The following STUM variants were observed in gnomAD, a reference collection of about 807,000 sequenced individuals.
STUM encodes the protein protein stum homolog.
In STUM, 8 loss-of-function variants were observed where a neutral mutation model predicts 15.3. The observed-to-expected ratio is 0.52, with a 90% CI of 0.31 to 0.94. The LOEUF (loss-of-function observed/expected upper bound fraction) is 0.94. Among genes scored for constraint, STUM ranks in the 40% least tolerant of loss-of-function variants. The pLI is 0.05. For missense variants in STUM, 142 were observed against 204.9 expected (o/e 0.69, Z 1.87); for synonymous variants, 78 against 88.7 (o/e 0.88, Z 0.68).
At chr1:226,583,834 A>G (rs1270290161) in intron 1 of STUM, among the ~76,000 whole-genome samples, 1 of 152,128 alleles carries the variant, frequency 6.6e-6, no homozygotes, top group Non-Finnish European at 1.5e-5. Flanking sequence ...TCTGCCCAAG[A>G]GCCAAGCAGT....
chr1:226,594,905 C>T (rs565350840), intron 1 of STUM, among the ~76,000 whole-genome samples: 2 of 152,348 alleles, frequency 1.3e-5, no homozygotes, highest in South Asian at 4.1e-4. Context: ...ATCTGCCCGC[C>T]TCGGCCTCCC....
At chr1:226,570,061 G>A (rs780375935) in intron 1 of STUM, among the ~76,000 whole-genome samples, 7 of 152,004 alleles carry the variant, frequency 4.6e-5, no homozygotes, top group Non-Finnish European at 8.8e-5. Flanking sequence ...CCTGAGCCCC[G>A]CCCCTCCCTG....
In STUM at chr1:226,601,477, C is replaced by T. The variant is rs59625874; in HGVS notation, c.392-529C>T. On this transcript the variant is annotated intron_variant, in intron 3 of 3. Transcript: ENST00000366788. ...TTACTATCCACAGAGCTCACTTTTTCCCAAAGGACTCATGATCAACAATGT... is the reference window on the plus strand; with the variant it reads ...TTACTATCCACAGAGCTCACTTTTTTCCAAAGGACTCATGATCAACAATGT... 5.3e-3 allele frequency among the ~76,000 whole-genome samples: 810 copies of T among 152,296 alleles called. 7 individuals carry two copies. The highest frequency in any genetic ancestry group is 0.018 in the African/African-American group (751 of 41,558).
At position 226,574,855 on chromosome 1, in the gene STUM, G is replaced by A. The variant is rs532427690; in HGVS notation, c.203-21947G>A. On this transcript the variant is annotated intron_variant, in intron 1 of 3. Transcript: ENST00000366788. ...TCCTGAAGCCCAGAGGGCGTGTCTC[G>A]GGGTCAGCGGGGCCCCAGGGCTTTG... Among the ~76,000 whole-genome samples the A allele has an allele frequency of 8.5e-5, 13 of 152,282 alleles. 1 individual carries two copies. Among genetic ancestry groups the A allele is most frequent in the African/African-American group, 2.9e-4 (12 of 41,560 alleles).
At chr1:226,570,707 A>T (rs1390547232) in intron 1 of STUM, among the ~76,000 whole-genome samples, 6 of 152,208 alleles carry the variant, frequency 3.9e-5, no homozygotes, top group Non-Finnish European at 8.8e-5. Context: ...ATGATCATTT[A>T]TCCTTCATAT....
intron 1 of STUM, among the ~76,000 whole-genome samples, chr1:226,578,672 T>A (rs1667863677): frequency 6.6e-6 from 1 of 152,142 alleles, no homozygotes; most frequent in Non-Finnish European, 1.5e-5. Context: ...CCCAGTCCCT[T>A]TTTTAAAAGG....
chr1:226,556,521 A>G (rs1363487521), intron 1 of STUM, among the ~76,000 whole-genome samples: 1 of 152,192 alleles, frequency 6.6e-6, no homozygotes, highest in East Asian at 1.9e-4. Context: ...GCAACAGGCT[A>G]AACAGAATGA....
rs758468677 is a variant in STUM at position 226,567,717 on chromosome 1, G to A, written c.202+18611G>A. On this transcript the variant is annotated intron_variant, in intron 1 of 3. Transcript: ENST00000366788. This position sits in a 1 kb window ranked among gnomAD's most constrained non-coding sequence, Gnocchi z 4.5. ...AATAAAAGCATTTAAAAGTGGAAGCGTGCCAGCGTGAGATGGATGATTCTG... is the reference window on the plus strand; with the variant it reads ...AATAAAAGCATTTAAAAGTGGAAGCATGCCAGCGTGAGATGGATGATTCTG... 1.3e-5 allele frequency among the ~76,000 whole-genome samples: 2 copies of A among 152,144 alleles called. No individual in the cohort carries two copies. The highest frequency in any genetic ancestry group is 4.8e-5 in the African/African-American group (2 of 41,428).
intron 1 of STUM, among the ~76,000 whole-genome samples, chr1:226,551,799 G>T (rs1359023690): frequency 6.6e-6 from 1 of 152,212 alleles, no homozygotes; most frequent in Non-Finnish European, 1.5e-5. Context: ...TAGGATGGCA[G>T]CAGGAACAGA....
At chr1:226,578,041 G>A (rs1005921389) in intron 1 of STUM, among the ~76,000 whole-genome samples, 1 of 152,128 alleles carries the variant, frequency 6.6e-6, no homozygotes. Context: ...ATGAGAGGCG[G>A]CCCCAGACTG....
chr1:226,596,760 T>C (rs1314348544), intron 1 of STUM, 42 bp from the exon 2 acceptor site: 2 of 1,576,200 alleles, frequency 1.3e-6, no homozygotes, highest in South Asian at 2.2e-5. Flanking sequence ...CCCCTTTGTC[T>C]CCCAGTGCCC....
chr1:226,593,185 C>CA (rs72490675), intron 1 of STUM, among the ~76,000 whole-genome samples: 64,473 of 125,212 alleles, frequency 0.51, 18,021 homozygotes, highest in African/African-American at 0.76. Context: ...GACTCCGTCT[C>CA]AAAAAAAAAA....
intron 1 of STUM, among the ~76,000 whole-genome samples, chr1:226,564,295 C>G (rs563822228): frequency 6.6e-6 from 1 of 152,180 alleles, no homozygotes; most frequent in East Asian, 1.9e-4. Context: ...TTCAAGATGT[C>G]GGTCCTCAGG....
At chr1:226,599,658 A>T (rs1668235512) in intron 2 of STUM, among the ~76,000 whole-genome samples, 1 of 152,250 alleles carries the variant, frequency 6.6e-6, no homozygotes, top group Non-Finnish European at 1.5e-5. Context: ...AATCTAGATG[A>T]AAGTGGGAGT....
chr1:226,599,578 G>A (rs1000175762), intron 2 of STUM, among the ~76,000 whole-genome samples: 7 of 152,316 alleles, frequency 4.6e-5, no homozygotes, highest in African/African-American at 7.2e-5. Context: ...TTGGCTTTTC[G>A]CATGGCATTG....
chr1:226,575,618 AG>A (rs1032612722), intron 1 of STUM, among the ~76,000 whole-genome samples: 46 of 152,378 alleles, frequency 3.0e-4, no homozygotes, highest in African/African-American at 1.1e-3. Flanking sequence ...GGCCCAGGCC[AG>A]GGCAAACATG....
chr1:226,580,645 C>G (rs1279118241), intron 1 of STUM, among the ~76,000 whole-genome samples: 2 of 152,130 alleles, frequency 1.3e-5, no homozygotes, highest in East Asian at 3.9e-4. Context: ...CAGAAGCCCT[C>G]CTGTGCTCTT....
At chr1:226,599,382 G>T (rs1282419485) in intron 2 of STUM, among the ~76,000 whole-genome samples, 1 of 152,196 alleles carries the variant, frequency 6.6e-6, no homozygotes, top group South Asian at 2.1e-4. Flanking sequence ...ATGAGATGGT[G>T]CTATAGGTGG....
intron 1 of STUM, among the ~76,000 whole-genome samples, chr1:226,577,813 G>C (rs1571804113): frequency 1.3e-5 from 2 of 151,392 alleles, no homozygotes; most frequent in East Asian, 3.9e-4. Context: ...TCTGTGGGGG[G>C]GATGGTTGTT....
Sources: allele counts gnomAD v4.1 joint callset (sites outside exome capture counted in the v4.1 genomes callset), GRCh38; gene constraint gnomAD v4.1.1; non-coding constraint Gnocchi (gnomAD v3.1); transcripts MANE v1.5; gene names NCBI Gene and HGNC (gene_info 2026-07-23, HGNC 2026-07-21).